Variants in SLA2 observed in about 807,000 individuals in gnomAD.
The protein encoded by SLA2 is Src like adaptor 2.
In SLA2, 22 loss-of-function variants were observed where a neutral mutation model predicts 27.3. The observed-to-expected ratio is 0.81, with a 90% CI of 0.58 to 1.15. The LOEUF (loss-of-function observed/expected upper bound fraction) is 1.15, where lower values mean the gene tolerates loss of function less well. Among genes scored for constraint, SLA2 ranks in the 50% most tolerant of loss-of-function variants. SLA2 has a pLI of 0.00. For synonymous variants in SLA2, 131 were observed against 137.8 expected, an observed-to-expected ratio of 0.95 and a Z score of 0.34; for missense variants, 304 against 322.2, an observed-to-expected ratio of 0.94 and a Z score of 0.43.
rs576411388 is a variant in SLA2 at position 36,634,438 on chromosome 20, C to A, written c.191+52G>T. 6 of 1,345,810 alleles carry A rather than the reference C, an allele frequency of 4.5e-6. No individual in the cohort carries two copies. In the South Asian group the frequency reaches 5.1e-5, roughly 11 times the overall value. The allele number at this position is 1,345,810 out of a possible 1,614,324, so 83.4% of individuals were successfully genotyped here. On this transcript the variant is annotated intron_variant, in intron 3 of 7. Transcript: ENST00000262866. ...AGCTAGCGCTACAGGCACACACCAC[C>A]ATGCCTGGCTCTATTAGTGCATATT...
intron 2 of SLA2, among the ~76,000 whole-genome samples, chr20:36,639,814 C>G (rs1187192567): frequency 1.3e-5 from 2 of 151,630 alleles, no homozygotes; most frequent in South Asian, 2.1e-4. Context: ...TCAGCCAAGA[C>G]TGTCCCACTG....
Position 36,613,935 on chromosome 20 carries a change from C to T in SLA2, c.717G>A (p.Glu239=), listed in dbSNP as rs775290998. ...AGAAGCTGAGGGACTCCCGGAGACC[C>T]TCACTGAGAAGAGACTCCTCCCCTG... ...AATGEESLLS[E]GLRESLSFYI... The change falls in exon 8 of 8, where the codon GAG becomes GAA. Residue 239 remains glutamate, a synonymous_variant. Transcript: ENST00000262866. 6.8e-6 allele frequency: 11 copies of T among 1,614,088 alleles called. No individual in the cohort carries two copies. In the South Asian group the frequency reaches 1.2e-4, roughly 18 times the overall value.
Position 36,615,263 on chromosome 20 carries a change from G to C in SLA2, c.494C>G (p.Thr165Ser). The C allele has an allele frequency of 3.1e-6, 5 of 1,614,174 alleles. No homozygotes were observed. The highest frequency in any genetic ancestry group is 4.2e-6 in the Non-Finnish European group (5 of 1,180,036). ...CACCAGGGCCTGGAGTGAGGGGAAG[G>C]TGAGGCGCGGTGAGATGTACAGCCA... ...NGWLYISPRL[T>S]FPSLQALVDH... Residue 165 changes from threonine to serine, a missense_variant, in exon 6 of 8, where the codon ACC becomes AGC. Transcript: ENST00000262866.
intron 5 of SLA2, among the ~76,000 whole-genome samples, chr20:36,618,632 G>T (rs1046356496): frequency 6.6e-6 from 1 of 151,968 alleles, no homozygotes; most frequent in Non-Finnish European, 1.5e-5. Context: ...TAGGCTGGGC[G>T]CAGTGGCTCA....
intron 7 of SLA2, 44 bp downstream of exon 7, chr20:36,614,261 A>G: frequency 6.2e-7 from 1 of 1,613,706 alleles, no homozygotes; most frequent in Non-Finnish European, 8.5e-7. Flanking sequence ...GGTCCTTCTA[A>G]CTCTTGGTCC....
Position 36,634,464 on chromosome 20 carries a change from C to T in SLA2, c.191+26G>A, listed in dbSNP as rs775754227. ...ATGCCTGGCTCTATTAGTGCATATT[C>T]AGGTATCCAGTGCCCATGGACTTAC... On this transcript the variant is annotated intron_variant, in intron 3 of 7. Transcript: ENST00000262866. 40 of 1,525,742 alleles carry T rather than the reference C, an allele frequency of 2.6e-5. No homozygotes were observed. The African/African-American group carries it at 5.2e-4, about 20-fold the overall frequency. 94.5% of individuals were successfully genotyped at this position (1,525,742 alleles called of 1,614,324 possible). A position where few individuals can be genotyped will look rare whatever the true frequency, so the allele number is the denominator to read the frequency against.
intron 5 of SLA2, chr20:36,620,956 C>A: frequency 6.0e-6 from 2 of 330,676 alleles, no homozygotes; most frequent in South Asian, 5.9e-5. Context: ...GGTAAGTAGT[C>A]GTGGAGGTGG....
chr20:36,613,757 T>TCCCCC lies in SLA2; in HGVS notation c.*108_*109insGGGGG. The TCCCCC allele has an allele frequency of 3.4e-5, 16 of 471,812 alleles. No homozygotes were observed. Among genetic ancestry groups the TCCCCC allele is most frequent in the South Asian group, 7.2e-5 (4 of 55,494 alleles). 29.2% of individuals were successfully genotyped at this position (471,812 alleles called of 1,614,324 possible). A position where few individuals can be genotyped will look rare whatever the true frequency, so the allele number is the denominator to read the frequency against. On this transcript the variant is annotated 3_prime_UTR_variant, in exon 8 of 8. Transcript: ENST00000262866. ...GTGGGACCCTAGATGCACCTCTGTG[T>TCCCCC]CCCACCCTCCCTCCCTGAGTGCACA...
intron 5 of SLA2, among the ~76,000 whole-genome samples, chr20:36,631,949 T>C (rs1448475421): frequency 6.6e-6 from 1 of 152,196 alleles, no homozygotes; most frequent in Non-Finnish European, 1.5e-5. Flanking sequence ...TTAAGAAGTC[T>C]TGTGTTAACA....
At position 36,619,665 on chromosome 20, in the gene SLA2, C is replaced by G. The variant is rs184445118; in HGVS notation, c.383-4291G>C. On this transcript the variant is annotated intron_variant, in intron 5 of 7. Coordinates refer to ENST00000262866, the MANE Select transcript of SLA2 (RefSeq NM_032214.4). Reference sequence around the variant, plus strand: ...TTTTTTTTTGAGACAGAGTCTCGCTCTCTCACCCAGGCTGGAGTGCAGTGG... The same window carrying G: ...TTTTTTTTTGAGACAGAGTCTCGCTGTCTCACCCAGGCTGGAGTGCAGTGG... Among the ~76,000 whole-genome samples, 79 of 148,724 alleles carry G rather than the reference C, an allele frequency of 5.3e-4. No homozygotes were observed. In the East Asian group the frequency reaches 0.011, roughly 21 times the overall value.
At chr20:36,636,623 AATATAT>A (rs57962999) in intron 2 of SLA2, among the ~76,000 whole-genome samples, 10 of 114,678 alleles carry the variant, frequency 8.7e-5, no homozygotes, top group African/African-American at 1.6e-4. Flanking sequence ...AAAAAAAAAA[AATATAT>A]ATATATATAT....
chr20:36,634,636 C>T, intron 2 of SLA2, 47 bp from the exon 3 acceptor site: 3 of 1,320,240 alleles, frequency 2.3e-6, no homozygotes, highest in South Asian at 1.3e-5. Context: ...AGCCCTGCTC[C>T]ACGCATGAGG....
intron 5 of SLA2, among the ~76,000 whole-genome samples, chr20:36,626,748 G>A (rs1311616856): frequency 1.3e-5 from 2 of 151,550 alleles, no homozygotes; most frequent in East Asian, 3.9e-4. Context: ...GGAGGCTGAG[G>A]CAGGAGAATG....
chr20:36,640,829 G>A (rs1332669390), intron 2 of SLA2, among the ~76,000 whole-genome samples: 2 of 152,126 alleles, frequency 1.3e-5, no homozygotes, highest in Non-Finnish European at 2.9e-5. Flanking sequence ...GGCCTAAAAT[G>A]TTAAATTTAA....
chr20:36,642,197 AG>A (rs2039514041), intron 1 of SLA2, among the ~76,000 whole-genome samples: 1 of 8,838 alleles, frequency 1.1e-4, no homozygotes, highest in Non-Finnish European at 2.4e-4. Context: ...AAAAAAAAAA[AG>A]GACCGTGGGT....
At chr20:36,633,679 C>A in intron 3 of SLA2, 50 bp from the exon 4 acceptor site, 1 of 1,489,464 alleles carries the variant, frequency 6.7e-7, no homozygotes, top group East Asian at 2.3e-5. Context: ...GCCAAGGCCC[C>A]GACAACCACA....
chr20:36,635,950 T>G (rs2039440287), intron 2 of SLA2, among the ~76,000 whole-genome samples: 1 of 152,094 alleles, frequency 6.6e-6, no homozygotes, highest in African/African-American at 2.4e-5. Context: ...CTGCACACAC[T>G]CTTGGTCAGA....
At chr20:36,628,651 T>G (rs1020324117) in intron 5 of SLA2, among the ~76,000 whole-genome samples, 2 of 151,900 alleles carry the variant, frequency 1.3e-5, no homozygotes, top group African/African-American at 4.8e-5. Context: ...GCTTAAGTGA[T>G]CCTCCTGCCT....
chr20:36,643,210 T>C (rs1461949724), intron 1 of SLA2, among the ~76,000 whole-genome samples: 2 of 152,234 alleles, frequency 1.3e-5, no homozygotes, highest in African/African-American at 4.8e-5. Flanking sequence ...ATCGTTAGAA[T>C]AGTTTAAATC....
Sources: gnomAD v4.1 joint callset for allele counts (sites outside exome capture counted in the v4.1 genomes callset) on GRCh38, gnomAD v4.1.1 for gene constraint, MANE v1.5 for transcripts, NCBI Gene and HGNC (gene_info 2026-07-23, HGNC 2026-07-21) for gene names.